Variants in DISP3 observed in about 807,000 individuals in gnomAD.
The protein encoded by DISP3 is dispatched RND transporter family member 3.
A neutral mutation model predicts 135.3 loss-of-function variants in DISP3; 101 were observed. That is an observed-to-expected ratio of 0.75 (90% CI 0.64 to 0.88). The LOEUF is 0.88. Among genes scored for constraint, DISP3 ranks in the 40% least tolerant of loss-of-function variants. The pLI, the probability that DISP3 is intolerant of heterozygous loss-of-function variation, is 0.00. For missense variants in DISP3, 1,713 were observed against 1,878.6 expected (o/e 0.91, Z 1.63); for synonymous variants, 856 against 817.0 (o/e 1.05, Z -0.81).
intron 1 of DISP3, among the ~76,000 whole-genome samples, chr1:11,490,915 A>G (rs1165027965): frequency 6.6e-6 from 1 of 152,190 alleles, no homozygotes; most frequent in African/African-American, 2.4e-5. Flanking sequence ...CTCCCCACCT[A>G]GTCCCCTTTT....
intron 11 of DISP3, among the ~76,000 whole-genome samples, chr1:11,524,341 C>CTG (rs1034808413): frequency 9.9e-5 from 15 of 152,118 alleles, no homozygotes; most frequent in African/African-American, 3.6e-4. Context: ...ATCCTGGGCC[C>CTG]TGAACACTGG....
rs759378213 is a variant in DISP3 at position 11,534,872 on chromosome 1, C to T, written c.3536-139C>T. On this transcript the variant is annotated intron_variant, in intron 18 of 20. Coordinates refer to ENST00000294484, the MANE Select transcript of DISP3 (RefSeq NM_020780.2). ...TGTTCTCTTCAACTCCAAACAAGGC[C>T]GGTAGGGTAGGTCCTGTTATGACCC... 121 of 865,340 alleles carry T rather than the reference C, an allele frequency of 1.4e-4. No homozygotes were observed. In the Middle Eastern group the frequency reaches 1.5e-3, roughly 11 times the overall value. The allele number at this position is 865,340 out of a possible 1,614,324, so 53.6% of individuals were successfully genotyped here.
chr1:11,501,255 T>G lies in DISP3; in HGVS notation c.263T>G (p.Leu88Arg). The G allele has an allele frequency of 6.2e-7, 1 of 1,614,170 alleles. No homozygotes were observed. The highest frequency in any genetic ancestry group is 1.6e-4 in the Middle Eastern group (1 of 6,062). ...LFLGCSIPMA[L>R]SAFMFLYYPP... The stretch of plus-strand genomic sequence containing the variant: ...CTGGGCTGCAGCATCCCCATGGCCC[T>G]GTCAGCCTTCATGTTCCTTTACTAC... Residue 88 changes from leucine to arginine, a missense_variant, in exon 2 of 21, where the codon CTG becomes CGG. Physicochemically the swap from Leu to Arg is moderately radical, Grantham distance 102. Coordinates refer to ENST00000294484, the MANE Select transcript of DISP3 (RefSeq NM_020780.2). The surrounding 1 kb of genome is among the most constrained non-coding windows in gnomAD (Gnocchi z 4.9).
Position 11,535,060 on chromosome 1 carries a change from G to T in DISP3, c.3585G>T (p.Val1195=). Residue 1195 remains valine, a synonymous_variant, in exon 19 of 21, where the codon GTG becomes GTT. Coordinates refer to ENST00000294484, the MANE Select transcript of DISP3 (RefSeq NM_020780.2). Reference sequence around the variant, plus strand: ...TGGTGCTATCCCTGCTCATCTGCGTGGCCGCGGTGGCCGTGTTCACCACCC... The same window carrying T: ...TGGTGCTATCCCTGCTCATCTGCGTTGCCGCGGTGGCCGTGTTCACCACCC... ...CGLVLSLLIC[V]AAVAVFTTHI... The T allele has an allele frequency of 3.1e-6, 5 of 1,607,148 alleles. No individual in the cohort carries two copies. The highest frequency in any genetic ancestry group is 4.2e-6 in the Non-Finnish European group (5 of 1,178,102).
chr1:11,498,223 C>G (rs573603678), intron 1 of DISP3, among the ~76,000 whole-genome samples: 33 of 152,348 alleles, frequency 2.2e-4, no homozygotes, highest in African/African-American at 7.7e-4. Context: ...CGGGTCAGGA[C>G]AGGGCACAGG....
At chr1:11,527,820 A>G (rs1249724957) in intron 13 of DISP3, among the ~76,000 whole-genome samples, 2 of 152,138 alleles carry the variant, frequency 1.3e-5, no homozygotes, top group East Asian at 3.9e-4. Flanking sequence ...ACTTCTCAAG[A>G]TTCAAGTCCC....
rs1412970700 is a variant in DISP3, at chr1:11,520,873, C to G, written c.2362+25C>G. 6.4e-7 allele frequency: 1 copy of G among 1,567,360 alleles called. No homozygotes were observed. Among genetic ancestry groups the G allele is most frequent in the Admixed American group, 1.9e-5 (1 of 53,286 alleles). On this transcript the variant is annotated intron_variant, in intron 10 of 20. Transcript: ENST00000294484. The surrounding 1 kb of genome is among the most constrained non-coding windows in gnomAD (Gnocchi z 4.8). ...GGTGAGGCTTCTAGCCAGGCTGTCC[C>G]TGGCCCGCTCAGGTGTCCGGGTCCC...
At chr1:11,530,874 C>T (rs200780370) in intron 15 of DISP3, 33 bp from the exon 16 acceptor site, 52 of 1,610,776 alleles carry the variant, frequency 3.2e-5, no homozygotes, top group Middle Eastern at 1.7e-4. Flanking sequence ...TCTCACTGAG[C>T]GGCCCGGGCC....
Position 11,501,482 on chromosome 1 carries a change from C to T in DISP3, c.490C>T (p.Arg164Cys). The change falls in exon 2 of 21, where the codon CGC (arginine) becomes TGC (cysteine). Residue 164 changes from arginine to cysteine, a missense_variant. Around this residue, in one of 2 missense-constraint regions of DISP3, gnomAD observed 571 missense variants for 494.1 expected, o/e 1.16. Transcript: ENST00000294484. The surrounding 1 kb of genome is among the most constrained non-coding windows in gnomAD (Gnocchi z 4.9). ...GCTGCAGCAGCTGCATCTCGGCAAC[C>T]GCTCGCGGCAAGCCTCCCGAGCCCC... ...EQLQQLHLGN[R>C]SRQASRAPRV... 1 of 1,605,818 alleles carries T rather than the reference C, an allele frequency of 6.2e-7. No homozygotes were observed. The highest frequency in any genetic ancestry group is 8.5e-7 in the Non-Finnish European group (1 of 1,176,232).
chr1:11,507,720 C>T (rs1449362526), intron 3 of DISP3, among the ~76,000 whole-genome samples: 1 of 152,226 alleles, frequency 6.6e-6, no homozygotes, highest in Non-Finnish European at 1.5e-5. Flanking sequence ...ACTGTCATCA[C>T]AGATAGTTTC....
chr1:11,501,001 G>A lies in DISP3; in HGVS notation c.9G>A (p.Thr3=), dbSNP rs367601578. The A allele has an allele frequency of 7.4e-6, 12 of 1,613,758 alleles. No homozygotes were observed. The African/African-American group carries it at 9.3e-5, about 13-fold the overall frequency. Reference sequence around the variant, plus strand: ...TCCCTCTCCTGCAGACTATGGACACGGAGGATGACCCCTTGCTGCAGGATG... The same window carrying A: ...TCCCTCTCCTGCAGACTATGGACACAGAGGATGACCCCTTGCTGCAGGATG... The part of the protein sequence containing the change: MD[T]EDDPLLQDVW... Residue 3 remains threonine, a synonymous_variant, in exon 2 of 21, where the codon ACG becomes ACA. Coordinates refer to ENST00000294484, the MANE Select transcript of DISP3 (RefSeq NM_020780.2). This position sits in a 1 kb window ranked among gnomAD's most constrained non-coding sequence, Gnocchi z 4.9.
Position 11,525,265 on chromosome 1 carries a change from C to G in DISP3, c.2566C>G (p.Pro856Ala). The change falls in exon 12 of 21, where the codon CCT becomes GCT. Residue 856 changes from proline to alanine, a missense_variant. Pro to Ala is a conservative substitution (Grantham distance 27). Around this residue, in one of 2 missense-constraint regions of DISP3, gnomAD observed 1,142 missense variants for 1,384.6 expected, o/e 0.82. Transcript: ENST00000294484. ...RLSLNASLPA[P>A]WQAVSPGDGE... Reference sequence around the variant, plus strand: ...CTCCCTCAATGCCAGCCTGCCTGCTCCTTGGCAGGCTGTGTCGCCTGGGGA... The same window carrying G: ...CTCCCTCAATGCCAGCCTGCCTGCTGCTTGGCAGGCTGTGTCGCCTGGGGA... The G allele has an allele frequency of 6.2e-7, 1 of 1,614,062 alleles. No individual in the cohort carries two copies.
chr1:11,501,709 C>A lies in DISP3; in HGVS notation c.717C>A (p.His239Gln), dbSNP rs1237130265. ...NGRYQPSIPPHAAVAANQSRA... is the reference protein window; with the variant it reads ...NGRYQPSIPPQAAVAANQSRA... Reference sequence around the variant, plus strand: ...GGTACCAGCCCAGCATCCCGCCCCACGCGGCAGTCGCGGCCAATCAGAGCC... The same window carrying A: ...GGTACCAGCCCAGCATCCCGCCCCAAGCGGCAGTCGCGGCCAATCAGAGCC... The change falls in exon 2 of 21, where the codon CAC becomes CAA. Residue 239 changes from histidine (H) to glutamine (Q), a missense_variant. Transcript: ENST00000294484. The surrounding 1 kb of genome is among the most constrained non-coding windows in gnomAD (Gnocchi z 4.9). 1.3e-6 allele frequency: 2 copies of A among 1,598,430 alleles called. No individual in the cohort carries two copies. The highest frequency in any genetic ancestry group is 2.3e-5 in the East Asian group (1 of 44,242).
At chr1:11,485,514 C>T (rs146799053) in intron 1 of DISP3, among the ~76,000 whole-genome samples, 3,444 of 152,170 alleles carry the variant, frequency 0.023, 95 homozygotes, top group Non-Finnish European at 0.029. Context: ...GCAGCTTCAA[C>T]GGGGGTCAGG....
intron 1 of DISP3, among the ~76,000 whole-genome samples, chr1:11,500,682 T>C (rs192889866): frequency 6.6e-6 from 1 of 152,318 alleles, no homozygotes; most frequent in East Asian, 1.9e-4. Flanking sequence ...GATTTTTTTT[T>C]TAAATCCCTC....
chr1:11,492,562 C>A, intron 1 of DISP3, among the ~76,000 whole-genome samples: 1 of 152,154 alleles, frequency 6.6e-6, no homozygotes, highest in East Asian at 1.9e-4. Flanking sequence ...CTCTCCCCAC[C>A]CCCACCTGGG....
At chr1:11,507,572 T>A (rs1378843615) in intron 3 of DISP3, among the ~76,000 whole-genome samples, 1 of 152,200 alleles carries the variant, frequency 6.6e-6, no homozygotes, top group African/African-American at 2.4e-5. Flanking sequence ...CCAGCCAAGT[T>A]TTTCAGCCTT....
intron 2 of DISP3, 51 bp downstream of exon 2, chr1:11,502,139 T>A (rs750614781): frequency 6.6e-7 from 1 of 1,511,170 alleles, no homozygotes; most frequent in Admixed American, 2.2e-5. Flanking sequence ...TTCATACAGC[T>A]CTTTATGGAG....
chr1:11,520,811 C>T lies in DISP3; in HGVS notation c.2325C>T (p.Asn775=). The change falls in exon 10 of 21, where the codon AAC becomes AAT. Residue 775 remains asparagine, a synonymous_variant. Transcript: ENST00000294484. This position sits in a 1 kb window ranked among gnomAD's most constrained non-coding sequence, Gnocchi z 4.8. ...NIQVLLDLKY[N]LSAEGISCIT... is the part of the protein sequence containing the mutation. ...AGGTGCTGCTGGACCTCAAGTACAA[C>T]CTGAGCGCCGAGGGCATCTCCTGCA... 7 of 1,612,636 alleles carry T rather than the reference C, an allele frequency of 4.3e-6. No homozygotes were observed. The highest frequency in any genetic ancestry group is 5.9e-6 in the Non-Finnish European group (7 of 1,179,646).
Sources: allele counts gnomAD v4.1 joint callset (sites outside exome capture counted in the v4.1 genomes callset), GRCh38; gene constraint gnomAD v4.1.1; regional missense constraint gnomAD v4.1.1; non-coding constraint Gnocchi (gnomAD v3.1); transcripts MANE v1.5; gene names NCBI Gene and HGNC (gene_info 2026-07-23, HGNC 2026-07-21).